The following DDB1 variants were observed in gnomAD, a reference collection of about 807,000 sequenced individuals.
DDB1 encodes DNA damage-binding protein 1.
Under a neutral mutation model 133.1 loss-of-function variants are expected in DDB1, and 18 were observed. The ratio of observed to expected loss-of-function variants is 0.14; its 90% CI spans 0.09 to 0.20. The LOEUF is 0.20. Ranked by LOEUF, DDB1 falls within the 10% of genes least tolerant of loss-of-function variation. The pLI, the probability that DDB1 is intolerant of heterozygous loss-of-function variation, is 1.00. For missense variants in DDB1, 828 were observed against 1,459.2 expected (o/e 0.57, Z 7.05); for synonymous variants, 580 against 550.5 (o/e 1.05, Z -0.75).
rs749647944 is a variant in DDB1, at chr11:61,322,407, G to A, written c.1011C>T (p.Asn337=). The part of the protein sequence containing the change: ...RLGDSQLVKL[N]VDSNEQGSYV... ...AGGAGCCTTGTTCATTACTGTCAAC[G>A]TTGAGCTAATAAGAAAGAACAATGT... The change falls in exon 9 of 27, where the codon AAC becomes AAT. Residue 337 remains asparagine, a synonymous_variant. Coordinates refer to ENST00000301764, the MANE Select transcript of DDB1 (RefSeq NM_001923.5). 46 of 1,611,960 alleles carry A rather than the reference G, an allele frequency of 2.9e-5. No individual in the cohort carries two copies. Among genetic ancestry groups the A allele is most frequent in the African/African-American group, 4.0e-5 (3 of 74,838 alleles).
Position 61,323,020 on chromosome 11 carries a change from C to G in DDB1, c.996G>C (p.Gln332His), listed in dbSNP as rs779371572. The G allele has an allele frequency of 6.2e-7, 1 of 1,613,714 alleles. No homozygotes were observed. The highest frequency in any genetic ancestry group is 8.5e-7 in the Non-Finnish European group (1 of 1,179,830). ...VFVGSRLGDS[Q>H]LVKLNVDSNE... ...ACAAGTGTCTTCTCACCTTCACAAG[C>G]TGGGAGTCACCCAGGCGAGACCCGA... is the stretch of plus-strand genomic sequence containing the variant. The change falls in exon 8 of 27, where the codon CAG becomes CAC. Residue 332 changes from glutamine to histidine, a missense_variant. Gln to His is a conservative substitution (Grantham distance 24). Transcript: ENST00000301764.
intron 8 of DDB1, chr11:61,322,702 G>A (rs556390479): frequency 5.6e-6 from 3 of 536,978 alleles, no homozygotes; most frequent in Admixed American, 3.2e-5. Flanking sequence ...TTTCTGCAGA[G>A]AAGGTCCGAA....
chr11:61,299,757 A>G lies in DDB1; in HGVS notation c.*379T>C. ...CACTGCCAATCTAAATAAAAAGAGGACAATGCATGAGTGTGAGATACACAT... is the reference window on the plus strand; with the variant it reads ...CACTGCCAATCTAAATAAAAAGAGGGCAATGCATGAGTGTGAGATACACAT... On this transcript the variant is annotated 3_prime_UTR_variant, in exon 27 of 27. Transcript: ENST00000301764. 1 of 263,020 alleles carries G rather than the reference A, an allele frequency of 3.8e-6. No individual in the cohort carries two copies. Among genetic ancestry groups the G allele is most frequent in the Non-Finnish European group, 7.5e-6 (1 of 134,002 alleles). 16.3% of individuals were successfully genotyped at this position (263,020 alleles called of 1,614,324 possible).
intron 6 of DDB1, among the ~76,000 whole-genome samples, chr11:61,324,721 G>A (rs534162861): frequency 8.7e-4 from 133 of 152,142 alleles, no homozygotes; most frequent in Non-Finnish European, 1.3e-3. Context: ...AAAGTAAAAT[G>A]AAACTTTTAA....
At chr11:61,305,882 A>G (rs1271331267) in intron 21 of DDB1, among the ~76,000 whole-genome samples, 1 of 152,234 alleles carries the variant, frequency 6.6e-6, no homozygotes, top group East Asian at 1.9e-4. Flanking sequence ...TTCTGACTAT[A>G]AAATACACAC....
intron 10 of DDB1, among the ~76,000 whole-genome samples, chr11:61,317,272 CCTGG>C (rs1856104973): frequency 6.6e-6 from 1 of 151,440 alleles, no homozygotes; most frequent in Admixed American, 6.6e-5. Context: ...CGCCACCACA[CCTGG>C]CTAATTTTTT....
chr11:61,313,439 G>A, intron 16 of DDB1, 60 bp downstream of exon 16: 1 of 1,493,946 alleles, frequency 6.7e-7, no homozygotes, highest in South Asian at 1.2e-5. Flanking sequence ...AAGGGTTTGA[G>A]GAAAACATCA....
chr11:61,304,876 T>TAA (rs757285412), intron 21 of DDB1, among the ~76,000 whole-genome samples: 1 of 109,590 alleles, frequency 9.1e-6, no homozygotes, highest in Non-Finnish European at 1.9e-5. Context: ...AGACTCCGCC[T>TAA]AAAAAAAAAA....
In DDB1 at chr11:61,302,767, A is replaced by T; in HGVS notation, c.2943-16T>A. On this transcript the variant is annotated splice_polypyrimidine_tract_variant and intron_variant, in intron 23 of 26. Transcript: ENST00000301764. ...GGTGGCAGCGCTGAAAGGCGGTAAG[A>T]AAGTCACTTTCTGAACCTCCTGTTT... is the stretch of plus-strand genomic sequence containing the variant. The T allele has an allele frequency of 6.2e-7, 1 of 1,613,976 alleles. No homozygotes were observed. Among genetic ancestry groups the T allele is most frequent in the East Asian group, 2.2e-5 (1 of 44,882 alleles).
At chr11:61,314,511 T>C in intron 12 of DDB1, 25 bp from the exon 13 acceptor site, 1 of 1,593,798 alleles carries the variant, frequency 6.3e-7, no homozygotes, top group Admixed American at 1.7e-5. Flanking sequence ...GATGAACAAA[T>C]GTCTCCAAGC....
intron 10 of DDB1, among the ~76,000 whole-genome samples, chr11:61,318,482 T>C (rs1034627182): frequency 3.9e-5 from 6 of 152,116 alleles, no homozygotes; most frequent in Non-Finnish European, 5.9e-5. Context: ...TCTAGTAGAG[T>C]ACTGCTGTTT....
At chr11:61,301,409 A>T (rs1855791931) in intron 25 of DDB1, 1 of 153,288 alleles carries the variant, frequency 6.5e-6, no homozygotes, top group African/African-American at 2.4e-5. Context: ...CAAAAAACAA[A>T]ATTTTTTTTT....
intron 9 of DDB1, chr11:61,322,074 C>G: frequency 1.8e-6 from 1 of 566,844 alleles, no homozygotes; most frequent in East Asian, 2.8e-5. Flanking sequence ...GGCCAAATAT[C>G]CCTATCTAGG....
At chr11:61,329,880 C>T (rs1335490887) in intron 3 of DDB1, 78 bp downstream of exon 3, 4 of 1,245,816 alleles carry the variant, frequency 3.2e-6, no homozygotes, top group Non-Finnish European at 4.6e-6. Flanking sequence ...GAGAGCTGCC[C>T]CCAGCACTTT....
chr11:61,324,009 G>C lies in DDB1; in HGVS notation c.891C>G (p.Leu297=), dbSNP rs1856228538. ...KEEQMDGTVT[L]KDLRVELLGE... is the part of the protein sequence containing the mutation. ...CAAGGAGTTCTACACGGAGATCCTTGAGAGTGACGGTGCCATCCATCTGTT... is the reference window on the plus strand; with the variant it reads ...CAAGGAGTTCTACACGGAGATCCTTCAGAGTGACGGTGCCATCCATCTGTT... The change falls in exon 7 of 27, where the codon CTC becomes CTG. Residue 297 remains leucine (L), a synonymous_variant. Transcript: ENST00000301764. The C allele has an allele frequency of 1.2e-6, 2 of 1,614,064 alleles. No individual in the cohort carries two copies. Among genetic ancestry groups the C allele is most frequent in the Non-Finnish European group, 1.7e-6 (2 of 1,180,030 alleles).
Position 61,303,936 on chromosome 11 carries a change from T to C in DDB1, c.2761A>G (p.Ile921Val). The C allele has an allele frequency of 6.2e-7, 1 of 1,614,058 alleles. No individual in the cohort carries two copies. The highest frequency in any genetic ancestry group is 8.5e-7 in the Non-Finnish European group (1 of 1,180,014). Residue 921 changes from isoleucine (I) to valine (V), a missense_variant, in exon 22 of 27, where the codon ATC (isoleucine) becomes GTC (valine). Ile to Val is a conservative substitution (Grantham distance 29). Coordinates refer to ENST00000301764, the MANE Select transcript of DDB1 (RefSeq NM_001923.5). ...ALYLKTKGDF[I>V]LVGDLMRSVL... Reference sequence around the variant, plus strand: ...GAGCGCATAAGGTCGCCCACCAGGATGAAGTCGCCCTTGGTCTTCAGGTAG... The same window carrying C: ...GAGCGCATAAGGTCGCCCACCAGGACGAAGTCGCCCTTGGTCTTCAGGTAG...
Position 61,300,901 on chromosome 11 carries a change from CTGT to C in DDB1, c.3244_3246del (p.Thr1082del), listed in dbSNP as rs1855781845. ...CCGTCGATGAAACCTGTGGCTGGTT[CTGT>C]CTTCCGCTCGGTGTGAAAGGATCTC... On this transcript the variant is annotated inframe_deletion, in exon 26 of 27. Transcript: ENST00000301764. 1.2e-6 allele frequency: 2 copies of C among 1,614,072 alleles called. No homozygotes were observed. The highest frequency in any genetic ancestry group is 2.7e-5 in the African/African-American group (2 of 74,920).
intron 10 of DDB1, among the ~76,000 whole-genome samples, chr11:61,316,970 T>TGGACAGAC (rs1856090640): frequency 1.8e-5 from 1 of 54,348 alleles, no homozygotes; most frequent in Non-Finnish European, 3.8e-5. Flanking sequence ...TATATATATA[T>TGGACAGAC]ATATATATAT....
In DDB1 at chr11:61,326,639, A is replaced by G; in HGVS notation, c.664+140T>C. 1.2e-5 allele frequency: 9 copies of G among 749,994 alleles called. No individual in the cohort carries two copies. The South Asian group carries it at 1.3e-4, about 11-fold the overall frequency. The allele number at this position is 749,994 out of a possible 1,614,324, so 46.5% of individuals were successfully genotyped here. On this transcript the variant is annotated intron_variant, in intron 5 of 26. Transcript: ENST00000301764. ...AACAAAGCACAATTAGAGAAAGAAAACATAAAGGAGTGGTAAACAATGCAC... is the reference window on the plus strand; with the variant it reads ...AACAAAGCACAATTAGAGAAAGAAAGCATAAAGGAGTGGTAAACAATGCAC...
Sources: gnomAD v4.1 joint callset for allele counts (sites outside exome capture counted in the v4.1 genomes callset) on GRCh38, gnomAD v4.1.1 for gene constraint, MANE v1.5 for transcripts, NCBI Gene and HGNC (gene_info 2026-07-23, HGNC 2026-07-21) for gene names.